Variants in PTPRD observed in about 807,000 individuals in gnomAD.
PTPRD encodes the protein protein tyrosine phosphatase receptor type D, also known as receptor-type tyrosine-protein phosphatase delta.
A neutral mutation model predicts 214.5 loss-of-function variants in PTPRD; 34 were observed. The ratio of observed to expected loss-of-function variants is 0.16; its 90% CI spans 0.12 to 0.21. The LOEUF is 0.21. PTPRD is among the 10% of genes least tolerant of loss of function. The pLI is 1.00. For missense variants in PTPRD, 2,545 were observed against 2,398.7 expected (o/e 1.06, Z -1.27); for synonymous variants, 1,128 against 845.7 (o/e 1.33, Z -5.79).
chr9:9,584,628 T>A (rs1363003778), intron 7 of PTPRD, among the ~76,000 whole-genome samples: 1 of 151,968 alleles, frequency 6.6e-6, no homozygotes, highest in Non-Finnish European at 1.5e-5. Context: ...TCCATGTGCA[T>A]CTTCATCCAT....
chr9:9,109,569 C>T (rs2099803218), intron 10 of PTPRD, among the ~76,000 whole-genome samples: 1 of 151,924 alleles, frequency 6.6e-6, no homozygotes, highest in South Asian at 2.1e-4. Context: ...ATTGTTAATA[C>T]TAATAATCAT....
chr9:9,192,019 C>T (rs1210066439), intron 9 of PTPRD, among the ~76,000 whole-genome samples: 1 of 151,954 alleles, frequency 6.6e-6, no homozygotes, highest in East Asian at 1.9e-4. Context: ...AATTCCTGTA[C>T]TGCTTCTGAA....
intron 10 of PTPRD, among the ~76,000 whole-genome samples, chr9:9,119,315 A>T (rs2099815359): frequency 6.6e-6 from 1 of 152,178 alleles, no homozygotes; most frequent in Non-Finnish European, 1.5e-5. Flanking sequence ...ATAACAAAAA[A>T]ATGAGCCTTC....
intron 9 of PTPRD, among the ~76,000 whole-genome samples, chr9:9,185,492 T>A (rs1454394012): frequency 6.6e-6 from 1 of 152,100 alleles, no homozygotes; most frequent in East Asian, 1.9e-4. Flanking sequence ...TTAAGTTTAG[T>A]CTTGCTTGGC....
chr9:8,997,966 T>C (rs1589521107), intron 11 of PTPRD, among the ~76,000 whole-genome samples: 1 of 152,078 alleles, frequency 6.6e-6, no homozygotes, highest in Non-Finnish European at 1.5e-5. Flanking sequence ...CCTAACTCTC[T>C]TTAATTCTAT....
At chr9:9,765,326 C>A (rs568154247) in intron 6 of PTPRD, among the ~76,000 whole-genome samples, 1 of 152,156 alleles carries the variant, frequency 6.6e-6, no homozygotes, top group South Asian at 2.1e-4. Flanking sequence ...GTACATATAA[C>A]CGTATTTCCC....
intron 9 of PTPRD, among the ~76,000 whole-genome samples, chr9:9,316,964 T>C (rs759195292): frequency 3.9e-5 from 6 of 152,164 alleles, no homozygotes; most frequent in Non-Finnish European, 8.8e-5. Context: ...TCTGCCCTCA[T>C]TTCTTTCTCT....
intron 10 of PTPRD, among the ~76,000 whole-genome samples, chr9:9,171,442 G>A (rs930429615): frequency 1.3e-5 from 2 of 151,378 alleles, no homozygotes; most frequent in African/African-American, 4.8e-5. Flanking sequence ...AGGAAAAGGA[G>A]CTTTTCTTCT....
At chr9:10,549,297 G>A (rs1436614203) in intron 2 of PTPRD, among the ~76,000 whole-genome samples, 2 of 152,016 alleles carry the variant, frequency 1.3e-5, no homozygotes, top group African/African-American at 2.4e-5. Flanking sequence ...CATCCAAACC[G>A]AACAGCCCTC....
intron 10 of PTPRD, among the ~76,000 whole-genome samples, chr9:9,155,228 A>T (rs2099880207): frequency 6.6e-6 from 1 of 152,160 alleles, no homozygotes; most frequent in South Asian, 2.1e-4. Context: ...TAAATGTAGA[A>T]ATCTAGTAAC....
At chr9:9,608,013 G>C (rs1049985502) in intron 7 of PTPRD, among the ~76,000 whole-genome samples, 1 of 152,166 alleles carries the variant, frequency 6.6e-6, no homozygotes, top group African/African-American at 2.4e-5. Flanking sequence ...ATTCTGATTA[G>C]AATCAGACTC....
chr9:10,202,620 G>C (rs1034300202), intron 3 of PTPRD, among the ~76,000 whole-genome samples: 2 of 145,740 alleles, frequency 1.4e-5, no homozygotes, highest in East Asian at 4.0e-4. Context: ...CTGACTTGAG[G>C]GGTGCTTCAA....
chr9:9,192,436 T>C (rs1057121738), intron 9 of PTPRD, among the ~76,000 whole-genome samples: 3 of 152,122 alleles, frequency 2.0e-5, no homozygotes, highest in African/African-American at 7.2e-5. Context: ...AAAAGGTTTC[T>C]CATAGGTGAT....
chr9:9,213,545 A>G (rs1043705224), intron 9 of PTPRD, among the ~76,000 whole-genome samples: 4 of 150,060 alleles, frequency 2.7e-5, no homozygotes, highest in Non-Finnish European at 6.0e-5. Flanking sequence ...TGTTTTGATA[A>G]TAGGCAACCA....
intron 3 of PTPRD, among the ~76,000 whole-genome samples, chr9:10,159,733 G>T (rs904504874): frequency 1.3e-5 from 2 of 151,776 alleles, no homozygotes; most frequent in African/African-American, 4.8e-5. Flanking sequence ...ATTATTAGAG[G>T]CTCTTAGTAA....
intron 9 of PTPRD, among the ~76,000 whole-genome samples, chr9:9,210,918 A>T (rs1473050385): frequency 6.7e-6 from 1 of 148,846 alleles, no homozygotes; most frequent in African/African-American, 2.5e-5. Context: ...TATAGGTTCT[A>T]TTTTCCTATT....
chr9:8,444,694 C>T (rs2095660242), intron 34 of PTPRD, among the ~76,000 whole-genome samples: 1 of 152,088 alleles, frequency 6.6e-6, no homozygotes, highest in South Asian at 2.1e-4. Flanking sequence ...AATCTATATG[C>T]AATGATTGTT....
In PTPRD at chr9:10,202,671, GATAT is replaced by G. The variant is rs77962535; in HGVS notation, c.-545+138288_-545+138291del. ...GATGCCTACTTATAAAAATTATATG[GATAT>G]ATATATATATATATATATATATATG... On this transcript the variant is annotated intron_variant, in intron 3 of 45. Transcript: ENST00000381196. Among the ~76,000 whole-genome samples the G allele has an allele frequency of 6.3e-3, 711 of 113,100 alleles. 10 individuals are homozygous for G. The East Asian group carries it at 0.066, about 11-fold the overall frequency. The allele number at this position is 113,100 out of a possible 152,430, so 74.2% of individuals were successfully genotyped here.
chr9:9,483,835 G>C (rs571791893), intron 8 of PTPRD, among the ~76,000 whole-genome samples: 3 of 137,898 alleles, frequency 2.2e-5, no homozygotes, highest in African/African-American at 5.5e-5. Flanking sequence ...TTCGTTCTCT[G>C]TTTGGACCTG....
Sources: gnomAD v4.1 joint callset for allele counts (sites outside exome capture counted in the v4.1 genomes callset) on GRCh38, gnomAD v4.1.1 for gene constraint, MANE v1.5 for transcripts, NCBI Gene and HGNC (gene_info 2026-07-23, HGNC 2026-07-21) for gene names.